The following ZDHHC9 variants were observed in gnomAD, a reference collection of about 807,000 sequenced individuals.
The protein encoded by ZDHHC9 is zDHHC palmitoyltransferase 9, also known as palmitoyltransferase ZDHHC9.
ZDHHC9 carries 3 observed loss-of-function variants against 26.6 expected under a neutral mutation model. That is an observed-to-expected ratio of 0.11 (90% CI 0.05 to 0.29). The LOEUF (loss-of-function observed/expected upper bound fraction) is 0.29. Among genes scored for constraint, ZDHHC9 ranks in the 10% least tolerant of loss-of-function variants. The pLI is 1.00. For synonymous variants in ZDHHC9, 111 were observed against 109.4 expected (o/e 1.01, Z -0.09); for missense variants, 146 against 296.4 (o/e 0.49, Z 3.73).
chrX:129,830,941 G>A (rs1282267890), intron 3 of ZDHHC9, among the ~76,000 whole-genome samples: 2 of 111,401 alleles, frequency 1.8e-5, no homozygotes, highest in African/African-American at 6.5e-5. Flanking sequence ...GTGTTTGCTT[G>A]CTTGCTTATT....
Position 129,841,772 on chromosome X carries a change from A to G in ZDHHC9, c.167+7T>C, listed in dbSNP as rs770217117. 3 of 1,211,593 alleles carry G rather than the reference A, an allele frequency of 2.5e-6. No homozygotes were observed. The highest frequency in any genetic ancestry group is 3.4e-6 in the Non-Finnish European group (3 of 895,468). On this transcript the variant is annotated splice_region_variant and intron_variant, in intron 3 of 10. Coordinates refer to ENST00000357166, the MANE Select transcript of ZDHHC9 (RefSeq NM_016032.4). ...TAATCAGGTAACTCTACTCAACCGA[A>G]ACTCACTCAAAGGCGAAGAAGAGTG...
At chrX:129,808,970 T>C (rs1178943930) in intron 10 of ZDHHC9, among the ~76,000 whole-genome samples, 2 of 112,144 alleles carry the variant, frequency 1.8e-5, no homozygotes, top group Non-Finnish European at 3.8e-5. Context: ...GAAAAGATAT[T>C]CGACATCATT....
chrX:129,833,714 T>C (rs1173628014), intron 3 of ZDHHC9, among the ~76,000 whole-genome samples: 1 of 111,881 alleles, frequency 8.9e-6, no homozygotes, highest in Non-Finnish European at 1.9e-5. Context: ...AGCTAAAGAA[T>C]AAGATGACCG....
chrX:129,835,430 G>A (rs1215163332), intron 3 of ZDHHC9, among the ~76,000 whole-genome samples: 5 of 91,422 alleles, frequency 5.5e-5, no homozygotes, highest in Non-Finnish European at 1.0e-4. Context: ...CTAGGCAAGA[G>A]AGGGAGACCC....
chrX:129,808,057 A>G (rs1017616317), intron 10 of ZDHHC9, among the ~76,000 whole-genome samples: 1 of 112,472 alleles, frequency 8.9e-6, no homozygotes, highest in Non-Finnish European at 1.9e-5. Context: ...TGTTGTTGAA[A>G]GAAATCAAAT....
At chrX:129,815,736 A>T (rs1385266047) in intron 5 of ZDHHC9, among the ~76,000 whole-genome samples, 1 of 111,988 alleles carries the variant, frequency 8.9e-6, no homozygotes, top group African/African-American at 3.2e-5. Context: ...TAAAATTACC[A>T]TAAAGAAGAC....
At chrX:129,834,667 C>G (rs115300756) in intron 3 of ZDHHC9, among the ~76,000 whole-genome samples, 1 of 111,274 alleles carries the variant, frequency 9.0e-6, no homozygotes, top group Non-Finnish European at 1.9e-5. Context: ...TACCCCTGCT[C>G]GAGAACTTAG....
intron 10 of ZDHHC9, among the ~76,000 whole-genome samples, chrX:129,809,921 G>C (rs984877893): frequency 9.5e-6 from 1 of 105,388 alleles, no homozygotes; most frequent in African/African-American, 3.5e-5. Flanking sequence ...CCCGGGAGGC[G>C]GAGGTTGCAG....
chrX:129,828,408 G>A (rs1602956982), intron 4 of ZDHHC9, among the ~76,000 whole-genome samples: 1 of 109,631 alleles, frequency 9.1e-6, no homozygotes, highest in Non-Finnish European at 1.9e-5. Context: ...GGATCACAAG[G>A]TCAGGAGATC....
At chrX:129,843,654 T>A (rs946659977) in intron 1 of ZDHHC9, 42 bp downstream of exon 1, 1 of 110,395 alleles carries the variant, frequency 9.1e-6, no homozygotes, top group Non-Finnish European at 1.9e-5. Flanking sequence ...CAGCCCACCC[T>A]GCAGCCGAGC....
chrX:129,824,278 G>A (rs918656900), intron 4 of ZDHHC9, among the ~76,000 whole-genome samples: 2 of 111,188 alleles, frequency 1.8e-5, no homozygotes, highest in African/African-American at 6.5e-5. Context: ...TATGGCAGCT[G>A]CTACTAAACT....
At chrX:129,820,858 C>T (rs1927867442) in intron 5 of ZDHHC9, among the ~76,000 whole-genome samples, 2 of 111,200 alleles carry the variant, frequency 1.8e-5, no homozygotes, top group Admixed American at 1.9e-4. Flanking sequence ...TGGTTTGCTG[C>T]ACCTATAAAG....
At chrX:129,827,644 T>C (rs1228460594) in intron 4 of ZDHHC9, among the ~76,000 whole-genome samples, 1 of 110,465 alleles carries the variant, frequency 9.1e-6, no homozygotes, top group Non-Finnish European at 1.9e-5. Flanking sequence ...GGCTCCTAGA[T>C]AATGTAGCAC....
chrX:129,821,296 C>CTTT (rs748605366), intron 5 of ZDHHC9, among the ~76,000 whole-genome samples: 5,173 of 99,315 alleles, frequency 0.052, 430 homozygotes, highest in African/African-American at 0.18. Flanking sequence ...AGACCTTCTT[C>CTTT]TTTTTTTTTT....
chrX:129,804,830 G>A lies in ZDHHC9; in HGVS notation c.*1540C>T, dbSNP rs1419643013. On this transcript the variant is annotated 3_prime_UTR_variant, in exon 11 of 11. Transcript: ENST00000357166. ...TACCTCTCCAACCCAAGGGTGCCCTGGTTAATGGAAGTTTGGGGAGTAACA... is the reference window on the plus strand; with the variant it reads ...TACCTCTCCAACCCAAGGGTGCCCTAGTTAATGGAAGTTTGGGGAGTAACA... The A allele has an allele frequency of 9.0e-6, 1 of 111,374 alleles. No individual in the cohort carries two copies. Among genetic ancestry groups the A allele is most frequent in the Non-Finnish European group, 1.9e-5 (1 of 53,051 alleles). The allele number at this position is 111,374 out of a possible 1,213,427, so 9.2% of individuals were successfully genotyped here. A position where few individuals can be genotyped will look rare whatever the true frequency, so the allele number is the denominator to read the frequency against.
intron 5 of ZDHHC9, among the ~76,000 whole-genome samples, chrX:129,818,389 T>C (rs1184516049): frequency 8.9e-6 from 1 of 112,145 alleles, no homozygotes; most frequent in East Asian, 2.8e-4. Context: ...GTGGAATTGC[T>C]GGGTCATGTG....
intron 5 of ZDHHC9, among the ~76,000 whole-genome samples, chrX:129,817,962 A>G (rs978375517): frequency 1.8e-5 from 2 of 111,668 alleles, no homozygotes; most frequent in African/African-American, 6.5e-5. Flanking sequence ...CTTGTTGTCA[A>G]TTCTTTTGGC....
chrX:129,823,882 T>C (rs758134276), intron 4 of ZDHHC9, 45 bp from the exon 5 acceptor site: 1 of 1,180,134 alleles, frequency 8.5e-7, no homozygotes, highest in Non-Finnish European at 1.1e-6. Context: ...AGCCATCACT[T>C]GAGCCCAAAA....
Position 129,804,825 on chromosome X carries a change from G to C in ZDHHC9, c.*1545C>G, listed in dbSNP as rs1475733471. 9.0e-6 allele frequency: 1 copy of C among 111,560 alleles called. No homozygotes were observed. Among genetic ancestry groups the C allele is most frequent in the Non-Finnish European group, 1.9e-5 (1 of 53,098 alleles). 9.2% of individuals were successfully genotyped at this position (111,560 alleles called of 1,213,427 possible). On this transcript the variant is annotated 3_prime_UTR_variant, in exon 11 of 11. Coordinates refer to ENST00000357166, the MANE Select transcript of ZDHHC9 (RefSeq NM_016032.4). ...GGAACTACCTCTCCAACCCAAGGGT[G>C]CCCTGGTTAATGGAAGTTTGGGGAG...
Sources: allele counts gnomAD v4.1 joint callset (sites outside exome capture counted in the v4.1 genomes callset), GRCh38; gene constraint gnomAD v4.1.1; transcripts MANE v1.5; gene names NCBI Gene and HGNC (gene_info 2026-07-23, HGNC 2026-07-21).